Variants in NLGN4X observed in about 807,000 individuals in gnomAD.
NLGN4X encodes the protein neuroligin-4, X-linked.
NLGN4X carries 3 observed loss-of-function variants against 40.3 expected under a neutral mutation model. The ratio of observed to expected loss-of-function variants is 0.07; its 90% CI spans 0.03 to 0.19. NLGN4X has a LOEUF of 0.19. Among genes scored for constraint, NLGN4X ranks in the 10% least tolerant of loss-of-function variants. NLGN4X has a pLI of 1.00. For missense variants in NLGN4X, 382 were observed against 708.3 expected (o/e 0.54, Z 5.23); for synonymous variants, 270 against 306.8 (o/e 0.88, Z 1.25).
At chrX:6,129,639 T>C (rs962484929) in intron 2 of NLGN4X, among the ~76,000 whole-genome samples, 2 of 111,262 alleles carry the variant, frequency 1.8e-5, no homozygotes, top group Admixed American at 9.6e-5. Context: ...CTCCTTTCCA[T>C]TATGTGACAA....
chrX:6,125,524 TAAAC>T (rs1204015411), intron 2 of NLGN4X, among the ~76,000 whole-genome samples: 7 of 108,794 alleles, frequency 6.4e-5, no homozygotes, highest in Non-Finnish European at 1.3e-4. Context: ...AAATAACAAA[TAAAC>T]AAAGTTATAA....
rs181326408 is a variant in NLGN4X at position 6,040,078 on chromosome X, C to T, written c.473-10646G>A. 8.1e-4 allele frequency among the ~76,000 whole-genome samples: 90 copies of T among 110,849 alleles called. 3 individuals are homozygous for T. The East Asian group carries it at 0.017, about 21-fold the overall frequency. On this transcript the variant is annotated intron_variant, in intron 2 of 5. Coordinates refer to ENST00000381095, the MANE Select transcript of NLGN4X (RefSeq NM_181332.3). ...TCAGCCTCCCGAGTAGCTGGGACTA[C>T]AGGTGTGCACCACCACACCTGGTTA...
intron 2 of NLGN4X, among the ~76,000 whole-genome samples, chrX:6,115,319 T>C (rs1213158678): frequency 8.9e-6 from 1 of 111,982 alleles, no homozygotes; most frequent in African/African-American, 3.3e-5. Flanking sequence ...AGTCATGTTG[T>C]GCCTTGGGAA....
At chrX:6,014,546 T>C (rs926391668) in intron 3 of NLGN4X, among the ~76,000 whole-genome samples, 14 of 111,733 alleles carry the variant, frequency 1.3e-4, no homozygotes, top group African/African-American at 3.9e-4. Flanking sequence ...AAGGAATGTT[T>C]TTCGTGAAGG....
At position 6,121,622 on chromosome X, in the gene NLGN4X, C is replaced by T. The variant is rs148142795; in HGVS notation, c.472+29373G>A. On this transcript the variant is annotated intron_variant, in intron 2 of 5. Coordinates refer to ENST00000381095, the MANE Select transcript of NLGN4X (RefSeq NM_181332.3). ...CTGGCAAATGCCTCCTTTATTCTTA[C>T]GGGAAGAGTGATGCTTCACAACTAC... Among the ~76,000 whole-genome samples the T allele has an allele frequency of 1.1e-3, 119 of 112,386 alleles. No individual in the cohort carries two copies. The East Asian group carries it at 0.027, about 26-fold the overall frequency.
intron 2 of NLGN4X, among the ~76,000 whole-genome samples, chrX:6,135,121 G>A (rs1451881979): frequency 8.9e-6 from 1 of 111,881 alleles, no homozygotes; most frequent in Admixed American, 9.5e-5. Flanking sequence ...TTGAGGTCAC[G>A]TTTCCCATCT....
At chrX:6,005,534 T>C (rs2036082840) in intron 3 of NLGN4X, among the ~76,000 whole-genome samples, 1 of 111,136 alleles carries the variant, frequency 9.0e-6, no homozygotes, top group Non-Finnish European at 1.9e-5. Context: ...CATAAACCCA[T>C]ACAGCAAAAT....
chrX:5,904,790 C>T (rs17220795), intron 4 of NLGN4X, among the ~76,000 whole-genome samples: 19,099 of 111,333 alleles, frequency 0.17, 1,221 homozygotes, highest in Non-Finnish European at 0.2. Flanking sequence ...CAGCCCGAGT[C>T]GGGCACTAAA....
At chrX:5,983,703 T>A (rs982007935) in intron 3 of NLGN4X, among the ~76,000 whole-genome samples, 1 of 111,851 alleles carries the variant, frequency 8.9e-6, no homozygotes. Context: ...TTCAAAAGAC[T>A]GAGTTAGAAG....
intron 2 of NLGN4X, among the ~76,000 whole-genome samples, chrX:6,049,730 TGG>T (rs34737559): frequency 0.081 from 1,172 of 14,398 alleles, 42 homozygotes; most frequent in African/African-American, 0.11. Flanking sequence ...AAAAATAAAA[TGG>T]GGGGGGGGGG....
At chrX:5,979,079 T>C (rs1195341045) in intron 3 of NLGN4X, among the ~76,000 whole-genome samples, 5 of 111,727 alleles carry the variant, frequency 4.5e-5, no homozygotes, top group Non-Finnish European at 7.5e-5. Flanking sequence ...TTATAATCTA[T>C]ATCTCTTGCT....
chrX:6,183,465 T>A (rs1602384162), intron 1 of NLGN4X, among the ~76,000 whole-genome samples: 1 of 109,839 alleles, frequency 9.1e-6, no homozygotes, highest in South Asian at 3.9e-4. Flanking sequence ...GAGATATGCA[T>A]GAACACGGGA....
chrX:6,078,370 T>C (rs2038258717), intron 2 of NLGN4X, among the ~76,000 whole-genome samples: 1 of 111,858 alleles, frequency 8.9e-6, no homozygotes, highest in Non-Finnish European at 1.9e-5. Context: ...GAGTGAAGAC[T>C]CATTTAACCT....
intron 3 of NLGN4X, among the ~76,000 whole-genome samples, chrX:5,914,898 A>G (rs2032710056): frequency 8.9e-6 from 1 of 112,131 alleles, no homozygotes; most frequent in African/African-American, 3.2e-5. Context: ...ATAGGAAATC[A>G]TTCATGAAAT....
At chrX:6,138,059 A>G (rs746026666) in intron 2 of NLGN4X, among the ~76,000 whole-genome samples, 1 of 112,080 alleles carries the variant, frequency 8.9e-6, no homozygotes, top group Non-Finnish European at 1.9e-5. Context: ...ACTGAGCTTC[A>G]GCAACAAATG....
chrX:6,069,287 CAAA>C (rs35625635), intron 2 of NLGN4X, among the ~76,000 whole-genome samples: 1 of 88,140 alleles, frequency 1.1e-5, no homozygotes. Context: ...GACTCCGTCT[CAAA>C]AAAAAAAAAA....
intron 5 of NLGN4X, among the ~76,000 whole-genome samples, chrX:5,899,135 T>C (rs985075972): frequency 1.8e-5 from 2 of 112,643 alleles, no homozygotes; most frequent in East Asian, 2.8e-4. Flanking sequence ...ATGTAAGTTC[T>C]GAGTAACTTC....
intron 2 of NLGN4X, among the ~76,000 whole-genome samples, chrX:6,030,025 A>G (rs920024421): frequency 1.8e-5 from 2 of 111,604 alleles, no homozygotes; most frequent in African/African-American, 6.5e-5. Flanking sequence ...GGGAAAAAAA[A>G]GAAAAGATGT....
At chrX:6,064,379 A>G (rs1473505792) in intron 2 of NLGN4X, among the ~76,000 whole-genome samples, 1 of 111,831 alleles carries the variant, frequency 8.9e-6, no homozygotes, top group Non-Finnish European at 1.9e-5. Flanking sequence ...AAACATGTCA[A>G]ACTCTGCCGG....
Sources: gnomAD v4.1 joint callset for allele counts (sites outside exome capture counted in the v4.1 genomes callset) on GRCh38, gnomAD v4.1.1 for gene constraint, MANE v1.5 for transcripts, NCBI Gene and HGNC (gene_info 2026-07-23, HGNC 2026-07-21) for gene names.